STK24: variants seen among roughly 807,000 people sequenced by gnomAD.
STK24 encodes serine/threonine-protein kinase 24.
In STK24, 21 loss-of-function variants were observed where a neutral mutation model predicts 55.6. The observed-to-expected ratio is 0.38, with a 90% CI of 0.27 to 0.54. The LOEUF is 0.54. Among genes scored for constraint, STK24 ranks in the 20% least tolerant of loss-of-function variants. STK24 has a pLI of 0.79. For synonymous variants in STK24, 200 were observed against 215.2 expected (o/e 0.93, Z 0.62); for missense variants, 383 against 538.4 (o/e 0.71, Z 2.86).
chr13:98,554,875 C>T (rs1021241481), intron 1 of STK24, among the ~76,000 whole-genome samples: 1 of 151,974 alleles, frequency 6.6e-6, no homozygotes, highest in African/African-American at 2.4e-5. Context: ...ATTAGCCAGG[C>T]ATGGTGGCAC....
chr13:98,574,970 T>G (rs1275511453), intron 1 of STK24, among the ~76,000 whole-genome samples: 1 of 152,168 alleles, frequency 6.6e-6, no homozygotes, highest in Non-Finnish European at 1.5e-5. Context: ...TGATTCGCTA[T>G]CCACAAAGGC....
chr13:98,506,403 C>T (rs567092334), intron 2 of STK24, among the ~76,000 whole-genome samples: 2 of 152,316 alleles, frequency 1.3e-5, no homozygotes, highest in East Asian at 1.9e-4. Flanking sequence ...GATTCATAGG[C>T]AACCGTGAAC....
chr13:98,534,624 T>C (rs1896662457), intron 1 of STK24, among the ~76,000 whole-genome samples: 1 of 152,124 alleles, frequency 6.6e-6, no homozygotes, highest in South Asian at 2.1e-4. Flanking sequence ...AAAACTAAGA[T>C]CAGTGCTTGG....
chr13:98,524,072 G>A (rs569883086), intron 1 of STK24, among the ~76,000 whole-genome samples: 7 of 152,182 alleles, frequency 4.6e-5, no homozygotes, highest in African/African-American at 7.2e-5. Flanking sequence ...GGCAGGGCAC[G>A]CAGACCCTTG....
At chr13:98,516,699 TG>T (rs1896074420) in intron 2 of STK24, among the ~76,000 whole-genome samples, 1 of 151,958 alleles carries the variant, frequency 6.6e-6, no homozygotes, top group African/African-American at 2.4e-5. Flanking sequence ...CTTGTCAAGA[TG>T]AAGGAACAAT....
intron 1 of STK24, among the ~76,000 whole-genome samples, chr13:98,536,917 G>A (rs1305078880): frequency 2.0e-5 from 3 of 150,694 alleles, no homozygotes; most frequent in Non-Finnish European, 3.0e-5. Flanking sequence ...TCCTCCAGTC[G>A]CCCAGTGAAA....
intron 1 of STK24, among the ~76,000 whole-genome samples, chr13:98,546,062 G>A (rs1897021905): frequency 6.6e-6 from 1 of 152,188 alleles, no homozygotes; most frequent in Non-Finnish European, 1.5e-5. Flanking sequence ...ACTGATGAAG[G>A]CTAAGAGTAC....
intron 1 of STK24, among the ~76,000 whole-genome samples, chr13:98,544,240 G>A (rs1013632928): frequency 6.6e-6 from 1 of 152,234 alleles, no homozygotes; most frequent in African/African-American, 2.4e-5. Flanking sequence ...GAACACAGCA[G>A]GACCTTAGGC....
rs746369355 is a variant in STK24 at position 98,456,930 on chromosome 13, A to G, written c.1259+238T>C. On this transcript the variant is annotated intron_variant, in intron 10 of 10. Transcript: ENST00000539966. ...CCACCACCCTGTATTTATGTGGCAA[A>G]AGCTACAAATGCACTAAGTCCTGTG... 60 of 579,750 alleles carry G rather than the reference A, an allele frequency of 1.0e-4. No individual in the cohort carries two copies. In the Middle Eastern group the frequency reaches 1.8e-3, roughly 18 times the overall value. The allele number at this position is 579,750 out of a possible 1,614,324, so 35.9% of individuals were successfully genotyped here.
At position 98,447,004 on chromosome 13, in the gene STK24, A is replaced by C. The variant is rs1707669734; in HGVS notation, c.*6169T>G. The C allele has an allele frequency of 1.6e-6, 1 of 609,150 alleles. No homozygotes were observed. The highest frequency in any genetic ancestry group is 1.8e-5 in the African/African-American group (1 of 54,170). 37.7% of individuals were successfully genotyped at this position (609,150 alleles called of 1,614,324 possible). ...TTCTCATGGCAGAAAGTGGGGTCCC[A>C]ACTTCCCTGCGCCCTTACCCTGCAC... is the stretch of plus-strand genomic sequence containing the variant. On this transcript the variant is annotated 3_prime_UTR_variant, in exon 11 of 11. Transcript: ENST00000539966.
chr13:98,493,023 T>A (rs762521274), intron 2 of STK24, among the ~76,000 whole-genome samples: 1 of 152,250 alleles, frequency 6.6e-6, no homozygotes, highest in Non-Finnish European at 1.5e-5. Context: ...TAGAAGCCAA[T>A]GAACTCTAAT....
At chr13:98,510,684 T>C (rs1307753921) in intron 2 of STK24, among the ~76,000 whole-genome samples, 1 of 152,172 alleles carries the variant, frequency 6.6e-6, no homozygotes, top group Non-Finnish European at 1.5e-5. Flanking sequence ...TGTTCTATAA[T>C]TACACTTATA....
Position 98,474,972 on chromosome 13 carries a change from T to C in STK24, c.446A>G (p.Asn149Ser), listed in dbSNP as rs768202626. 3.1e-6 allele frequency: 5 copies of C among 1,610,676 alleles called. No homozygotes were observed. The highest frequency in any genetic ancestry group is 4.2e-6 in the Non-Finnish European group (5 of 1,178,422). Reference sequence around the variant, plus strand: ...CTCGCCATGCTCAGACAGCAGGACGTTGGCCGCTGCAAAAGAAAGCCAAGG... The same window carrying C: ...CTCGCCATGCTCAGACAGCAGGACGCTGGCCGCTGCAAAAGAAAGCCAAGG... ...KKIHRDIKAA[N>S]VLLSEHGEVK... The change falls in exon 5 of 11, where the codon AAC (asparagine) becomes AGC (serine). Residue 149 changes from asparagine to serine, a missense_variant. Coordinates refer to ENST00000539966, the MANE Select transcript of STK24 (RefSeq NM_001032296.4).
chr13:98,573,146 G>A (rs1337590938), intron 1 of STK24, among the ~76,000 whole-genome samples: 5 of 152,208 alleles, frequency 3.3e-5, no homozygotes, highest in East Asian at 1.9e-4. Flanking sequence ...TACTCAACCC[G>A]TAGTAAGGAT....
chr13:98,511,720 A>G (rs1895883145), intron 2 of STK24, among the ~76,000 whole-genome samples: 1 of 152,166 alleles, frequency 6.6e-6, no homozygotes, highest in South Asian at 2.1e-4. Context: ...GATTCCATCT[A>G]CGGTGCTCCG....
intron 1 of STK24, among the ~76,000 whole-genome samples, chr13:98,570,998 G>T (rs1461587488): frequency 2.0e-5 from 3 of 152,170 alleles, no homozygotes; most frequent in Non-Finnish European, 4.4e-5. Context: ...GGCATTAAAA[G>T]GCACAGAAAG....
At chr13:98,517,472 A>G (rs1896106247) in intron 2 of STK24, among the ~76,000 whole-genome samples, 1 of 152,082 alleles carries the variant, frequency 6.6e-6, no homozygotes, top group Non-Finnish European at 1.5e-5. Flanking sequence ...CTAAAAATAC[A>G]AAAATTAGCC....
chr13:98,570,301 C>T lies in STK24; in HGVS notation c.42+6444G>A, dbSNP rs183412118. On this transcript the variant is annotated intron_variant, in intron 1 of 10. Transcript: ENST00000539966. ...AGGTGGAAGCAGCTGCTATCTTTCC[C>T]AACCAACCTTACAAAACTACCCATT... is the stretch of plus-strand genomic sequence containing the variant. Among the ~76,000 whole-genome samples, 8 of 152,274 alleles carry T rather than the reference C, an allele frequency of 5.3e-5. No individual in the cohort carries two copies. In the East Asian group the frequency reaches 1.2e-3, roughly 22 times the overall value.
intron 3 of STK24, among the ~76,000 whole-genome samples, chr13:98,475,597 G>A (rs530814794): frequency 6.6e-6 from 1 of 152,212 alleles, no homozygotes; most frequent in Non-Finnish European, 1.5e-5. Context: ...AAGCAAAGAG[G>A]AGCCAATGAG....
Sources: allele counts gnomAD v4.1 joint callset (sites outside exome capture counted in the v4.1 genomes callset), GRCh38; gene constraint gnomAD v4.1.1; transcripts MANE v1.5; gene names NCBI Gene and HGNC (gene_info 2026-07-23, HGNC 2026-07-21).